The following QRICH1 variants were observed in gnomAD, a reference collection of about 807,000 sequenced individuals.
The protein encoded by QRICH1 is glutamine rich 1.
QRICH1 carries 16 observed loss-of-function variants against 87.1 expected under a neutral mutation model. That is an observed-to-expected ratio of 0.18 (90% CI 0.12 to 0.28). QRICH1 has a LOEUF of 0.28. Among genes scored for constraint, QRICH1 ranks in the 10% least tolerant of loss-of-function variants. The pLI is 1.00. For missense variants in QRICH1, 647 were observed against 951.7 expected (o/e 0.68, Z 4.21); for synonymous variants, 367 against 368.4 (o/e 1.00, Z 0.05).
In QRICH1 at chr3:49,057,824, G is replaced by A; in HGVS notation, c.376C>T (p.His126Tyr). 6.2e-7 allele frequency: 1 copy of A among 1,614,164 alleles called. No individual in the cohort carries two copies. Among genetic ancestry groups the A allele is most frequent in the Non-Finnish European group, 8.5e-7 (1 of 1,180,042 alleles). The change falls in exon 3 of 10, where the codon CAC becomes TAC. Residue 126 changes from histidine to tyrosine, a missense_variant. By Grantham distance (83) the His-to-Tyr change is moderately conservative (BLOSUM62 2). Transcript: ENST00000395443. The surrounding 1 kb of genome is among the most constrained non-coding windows in gnomAD (Gnocchi z 5.4). The part of the protein sequence containing the change: ...SAQLSPQLTV[H>Y]QPTEQPIQVQ... ...TGGATGGGTTGCTCAGTAGGCTGGT[G>A]AACGGTGAGTTGTGGGGAGAGCTGA... is the stretch of plus-strand genomic sequence containing the variant.
intron 3 of QRICH1, among the ~76,000 whole-genome samples, chr3:49,047,712 A>ACCTG (rs2093346788): frequency 6.6e-6 from 1 of 151,858 alleles, no homozygotes; most frequent in East Asian, 1.9e-4. Context: ...TGAACTCCCA[A>ACCTG]CCTCAGGTAA....
At chr3:49,038,168 C>G (rs2106831319) in intron 6 of QRICH1, among the ~76,000 whole-genome samples, 1 of 151,352 alleles carries the variant, frequency 6.6e-6, no homozygotes, top group South Asian at 2.1e-4. Context: ...TCACACCATT[C>G]TCCTGCCTCA....
At chr3:49,041,348 T>C (rs959701131) in intron 6 of QRICH1, among the ~76,000 whole-genome samples, 2 of 151,920 alleles carry the variant, frequency 1.3e-5, no homozygotes, top group Admixed American at 6.6e-5. Context: ...TATGTGTGTG[T>C]GTGTGTGTGT....
Position 49,047,253 on chromosome 3 carries a change from G to A in QRICH1, c.1339-7C>T, listed in dbSNP as rs919553368. 1.3e-6 allele frequency: 2 copies of A among 1,594,024 alleles called. No homozygotes were observed. Among genetic ancestry groups the A allele is most frequent in the African/African-American group, 2.7e-5 (2 of 73,896 alleles). ...CAACCTGGACAGTTTGAGCCTATAG[G>A]AGAGAAACCATGAAAATGTGTCAAT... On this transcript the variant is annotated splice_polypyrimidine_tract_variant and splice_region_variant and intron_variant, in intron 3 of 9. Coordinates refer to ENST00000395443, the MANE Select transcript of QRICH1 (RefSeq NM_198880.3).
chr3:49,030,704 G>A, intron 9 of QRICH1, 60 bp from the exon 10 acceptor site: 2 of 1,384,566 alleles, frequency 1.4e-6, no homozygotes, highest in Non-Finnish European at 2.0e-6. Flanking sequence ...CTCCCACCCT[G>A]AACTTCCCAG....
rs556642977 is a variant in QRICH1 at position 49,088,815 on chromosome 3, G to A, written c.-22+5097C>T. Among the ~76,000 whole-genome samples the A allele has an allele frequency of 2.1e-4, 32 of 151,202 alleles. 1 individual carries two copies. The East Asian group carries it at 5.1e-3, about 24-fold the overall frequency. On this transcript the variant is annotated intron_variant, in intron 1 of 9. Coordinates refer to ENST00000395443, the MANE Select transcript of QRICH1 (RefSeq NM_198880.3). ...TATTTTTATTTTTCTGTAGAAATGGGGTCTTGCCATCTTGCCCAGGCTGGT... is the reference window on the plus strand; with the variant it reads ...TATTTTTATTTTTCTGTAGAAATGGAGTCTTGCCATCTTGCCCAGGCTGGT...
chr3:49,053,214 C>A (rs567069704), intron 3 of QRICH1, among the ~76,000 whole-genome samples: 1 of 152,050 alleles, frequency 6.6e-6, no homozygotes, highest in Admixed American at 6.6e-5. Context: ...CTCGGCCAGG[C>A]GCGGTGGCTC....
At position 49,047,183 on chromosome 3, in the gene QRICH1, G is replaced by A. The variant is rs200491534; in HGVS notation, c.1402C>T (p.Leu468=). ...QSQPQPSPEL[L]LPNSLKPEEG... is the part of the protein sequence containing the mutation. ...TCTGGCTTCAAAGAATTTGGAAGCA[G>A]AAGTTCTGGGGAAGGCTGTGGCTGT... is the stretch of plus-strand genomic sequence containing the variant. The change falls in exon 4 of 10, where the codon CTG becomes TTG. Residue 468 remains leucine, a synonymous_variant. Coordinates refer to ENST00000395443, the MANE Select transcript of QRICH1 (RefSeq NM_198880.3). 6.2e-7 allele frequency: 1 copy of A among 1,614,198 alleles called. No homozygotes were observed. Among genetic ancestry groups the A allele is most frequent in the East Asian group, 2.2e-5 (1 of 44,884 alleles).
chr3:49,057,937 A>C lies in QRICH1; in HGVS notation c.310-47T>G. ...AGTGAGTGAACCAGGCAGCACTGAA[A>C]ATCCAGTACCCAAGGAAAGAAAGAA... On this transcript the variant is annotated intron_variant, in intron 2 of 9. Coordinates refer to ENST00000395443, the MANE Select transcript of QRICH1 (RefSeq NM_198880.3). The surrounding 1 kb of genome is among the most constrained non-coding windows in gnomAD (Gnocchi z 5.4). 1 of 1,613,698 alleles carries C rather than the reference A, an allele frequency of 6.2e-7. No individual in the cohort carries two copies. The highest frequency in any genetic ancestry group is 1.6e-4 in the Middle Eastern group (1 of 6,062).
intron 2 of QRICH1, among the ~76,000 whole-genome samples, chr3:49,069,797 A>G (rs2093490408): frequency 6.6e-6 from 1 of 151,948 alleles, no homozygotes; most frequent in Non-Finnish European, 1.5e-5. Context: ...CTTACTCAAA[A>G]GAGCAGTAAC....
chr3:49,048,421 G>A (rs1194558407), intron 3 of QRICH1, among the ~76,000 whole-genome samples: 4 of 150,688 alleles, frequency 2.7e-5, no homozygotes, highest in Non-Finnish European at 3.0e-5. Context: ...TTGGGCCATC[G>A]GCCGAGAGCA....
At chr3:49,068,471 A>AG (rs2093481022) in intron 2 of QRICH1, among the ~76,000 whole-genome samples, 1 of 150,552 alleles carries the variant, frequency 6.6e-6, no homozygotes, top group African/African-American at 2.4e-5. Context: ...AAAATTAAAA[A>AG]AAAAAAAAAA....
At chr3:49,045,894 CTTATT>C (rs754600886) in intron 5 of QRICH1, among the ~76,000 whole-genome samples, 9 of 151,454 alleles carry the variant, frequency 5.9e-5, no homozygotes, top group Non-Finnish European at 1.5e-5. Flanking sequence ...TTGCCTGGCT[CTTATT>C]TTTTTTCTTT....
chr3:49,050,527 C>A lies in QRICH1; in HGVS notation c.1339-3281G>T, dbSNP rs115280447. ...ACCCAAAGCCCTAGTTTCGCTCACT[C>A]ACTAAATTCAAAAAACATGTGCAAA... is the stretch of plus-strand genomic sequence containing the variant. On this transcript the variant is annotated intron_variant, in intron 3 of 9. Coordinates refer to ENST00000395443, the MANE Select transcript of QRICH1 (RefSeq NM_198880.3). Among the ~76,000 whole-genome samples the A allele has an allele frequency of 4.0e-3, 604 of 151,706 alleles. 5 individuals carry two copies. Among genetic ancestry groups the A allele is most frequent in the African/African-American group, 0.014 (565 of 41,374 alleles).
chr3:49,065,978 G>A (rs1276410913), intron 2 of QRICH1, among the ~76,000 whole-genome samples: 1 of 152,032 alleles, frequency 6.6e-6, no homozygotes, highest in Non-Finnish European at 1.5e-5. Context: ...CGAGTCTCTT[G>A]AACTACCATT....
intron 2 of QRICH1, chr3:49,058,144 AC>A (rs1231427745): frequency 7.1e-6 from 4 of 565,038 alleles, no homozygotes; most frequent in African/African-American, 5.7e-5. Context: ...AAAAGGAAAT[AC>A]CAAAAAAAAA....
intron 1 of QRICH1, among the ~76,000 whole-genome samples, chr3:49,087,948 TTTCA>T (rs2042200988): frequency 6.6e-6 from 1 of 151,248 alleles, no homozygotes; most frequent in Non-Finnish European, 1.5e-5. Flanking sequence ...ATTCATTTTA[TTTCA>T]TTTATTTTTT....
chr3:49,059,618 C>T (rs1181118788), intron 2 of QRICH1, among the ~76,000 whole-genome samples: 1 of 149,990 alleles, frequency 6.7e-6, no homozygotes, highest in Admixed American at 6.7e-5. Flanking sequence ...CGAGGTTTCA[C>T]CATGTTGGTT....
chr3:49,063,741 AACGGC>A (rs1038113536), intron 2 of QRICH1, among the ~76,000 whole-genome samples: 14 of 152,306 alleles, frequency 9.2e-5, no homozygotes, highest in Non-Finnish European at 1.9e-4. Context: ...GTGAACTATG[AACGGC>A]ACGTGCCACT....
Sources: gnomAD v4.1 joint callset for allele counts (sites outside exome capture counted in the v4.1 genomes callset) on GRCh38, gnomAD v4.1.1 for gene constraint, Gnocchi (gnomAD v3.1) non-coding constraint, MANE v1.5 for transcripts, NCBI Gene and HGNC (gene_info 2026-07-23, HGNC 2026-07-21) for gene names.